TENM2: variants seen among roughly 807,000 people sequenced by gnomAD.
TENM2 encodes teneurin-2.
A neutral mutation model predicts 245.2 loss-of-function variants in TENM2; 52 were observed. The observed-to-expected ratio is 0.21, with a 90% CI of 0.17 to 0.27. TENM2 has a LOEUF of 0.27. Ranked by LOEUF, TENM2 falls within the 10% of genes least tolerant of loss-of-function variation. The pLI, the probability that TENM2 is intolerant of heterozygous loss-of-function variation, is 1.00. For missense variants in TENM2, 3,046 were observed against 3,666.8 expected (o/e 0.83, Z 4.37); for synonymous variants, 1,363 against 1,438.9 (o/e 0.95, Z 1.19).
At chr5:167,384,156 G>A (rs1478487516) in intron 2 of TENM2, among the ~76,000 whole-genome samples, 3 of 152,194 alleles carry the variant, frequency 2.0e-5, no homozygotes, top group African/African-American at 7.2e-5. Context: ...TAGATGAATA[G>A]ACAAAAATAT....
chr5:167,516,347 G>C (rs1322731949), intron 2 of TENM2, among the ~76,000 whole-genome samples: 1 of 152,024 alleles, frequency 6.6e-6, no homozygotes, highest in Non-Finnish European at 1.5e-5. Flanking sequence ...GAAAAACAAA[G>C]AGTGGAAAAG....
chr5:166,979,234 CA>C, the TENM2 span, among the ~76,000 whole-genome samples: 19 of 151,640 alleles, frequency 1.3e-4, no homozygotes, highest in Non-Finnish European at 2.5e-4. Context: ...GCAGCAGCAG[CA>C]GCCGCCGCGG....
At chr5:167,692,703 C>G (rs777126135) in intron 2 of TENM2, among the ~76,000 whole-genome samples, 3 of 151,970 alleles carry the variant, frequency 2.0e-5, no homozygotes, top group Non-Finnish European at 4.4e-5. Flanking sequence ...GTAGGGAGAC[C>G]CAGCTGTTCA....
the TENM2 span, among the ~76,000 whole-genome samples, chr5:166,986,085 G>T: frequency 6.6e-6 from 1 of 152,154 alleles, no homozygotes; most frequent in African/African-American, 2.4e-5. Context: ...ATGGAAGGAT[G>T]GTGGGGTGAG....
At chr5:167,284,683 G>C (rs567665227), upstream of TENM2, 71 of 623,258 alleles carry the variant, frequency 1.1e-4, no homozygotes, top group African/African-American at 1.0e-3. Flanking sequence ...TCATGTTTTC[G>C]TCTGAGTCAG....
At chr5:168,264,119 T>C (rs924305227), downstream of TENM2, 10 of 152,494 alleles carry the variant, frequency 6.6e-5, no homozygotes, top group African/African-American at 2.4e-4. Flanking sequence ...AGTGTTTAAA[T>C]TGTTTATACA....
chr5:167,432,928 G>A (rs1334730164), intron 2 of TENM2, among the ~76,000 whole-genome samples: 1 of 152,086 alleles, frequency 6.6e-6, no homozygotes, highest in African/African-American at 2.4e-5. Flanking sequence ...ATGTTAGACT[G>A]TTGATAAATG....
At chr5:167,860,253 C>T (rs1771638564) in intron 2 of TENM2, among the ~76,000 whole-genome samples, 1 of 136,550 alleles carries the variant, frequency 7.3e-6, no homozygotes, top group Non-Finnish European at 1.6e-5. Flanking sequence ...GGGTCAGCCC[C>T]CCCGCCCGGC....
At chr5:168,214,199 A>G (rs955184308) in intron 20 of TENM2, among the ~76,000 whole-genome samples, 3 of 152,222 alleles carry the variant, frequency 2.0e-5, no homozygotes, top group African/African-American at 7.2e-5. Flanking sequence ...CACTTCTACA[A>G]GTCTTACTCT....
At chr5:167,445,369 A>AGAGAGAGAGAGAGAGAGAGT (rs35699708) in intron 2 of TENM2, among the ~76,000 whole-genome samples, 1,278 of 97,740 alleles carry the variant, frequency 0.013, 45 homozygotes, top group African/African-American at 0.014. Context: ...AGAGAGAGAG[A>AGAGAGAGAGAGAGAGAGAGT]GTGTCAGGTG....
intron 2 of TENM2, among the ~76,000 whole-genome samples, chr5:167,681,067 A>C (rs1018714128): frequency 2.6e-5 from 4 of 152,238 alleles, no homozygotes; most frequent in African/African-American, 9.6e-5. Flanking sequence ...ATTTTAAAAC[A>C]ATTACGAAGT....
At chr5:167,881,534 G>A (rs2151415261) in intron 3 of TENM2, among the ~76,000 whole-genome samples, 1 of 152,208 alleles carries the variant, frequency 6.6e-6, no homozygotes, top group South Asian at 2.1e-4. Flanking sequence ...TCTTGATTTT[G>A]GGGTCAGGAT....
chr5:167,859,566 A>C, intron 2 of TENM2, among the ~76,000 whole-genome samples: 1 of 82,022 alleles, frequency 1.2e-5, no homozygotes, highest in Admixed American at 1.1e-4. Context: ...TGGGGGGGTC[A>C]GCCCCCCGCC....
At chr5:167,855,717 G>A (rs1213664864) in intron 2 of TENM2, among the ~76,000 whole-genome samples, 42 of 127,990 alleles carry the variant, frequency 3.3e-4, no homozygotes, top group African/African-American at 1.1e-3. Context: ...GAAGGAGAAA[G>A]GAAAGAAGGG....
chr5:167,904,256 C>A (rs1379774002), intron 3 of TENM2, among the ~76,000 whole-genome samples: 1 of 152,132 alleles, frequency 6.6e-6, no homozygotes, highest in Non-Finnish European at 1.5e-5. Flanking sequence ...TGGTTAGGAG[C>A]ATGGGTTAGA....
the TENM2 span, among the ~76,000 whole-genome samples, chr5:167,137,224 A>G: frequency 1.3e-5 from 2 of 152,176 alleles, no homozygotes; most frequent in Admixed American, 6.5e-5. Context: ...AAATTTAGAC[A>G]GTGGGGAAGC....
At chr5:168,151,701 A>G (rs1472602188) in intron 12 of TENM2, among the ~76,000 whole-genome samples, 1 of 152,234 alleles carries the variant, frequency 6.6e-6, no homozygotes, top group Non-Finnish European at 1.5e-5. Context: ...GTACTGCCAC[A>G]TGGTGACTGA....
the TENM2 span, among the ~76,000 whole-genome samples, chr5:167,158,196 T>G: frequency 6.6e-6 from 1 of 152,190 alleles, no homozygotes; most frequent in Non-Finnish European, 1.5e-5. Context: ...AACACAGATA[T>G]AGAACACAGA....
At chr5:167,872,278 A>G (rs1239677381) in intron 2 of TENM2, among the ~76,000 whole-genome samples, 1 of 145,942 alleles carries the variant, frequency 6.9e-6, no homozygotes, top group Non-Finnish European at 1.5e-5. Flanking sequence ...TCAAAAAAGA[A>G]AAAAAGAAAG....
Sources: gnomAD v4.1 joint callset for allele counts (sites outside exome capture counted in the v4.1 genomes callset) on GRCh38, gnomAD v4.1.1 for gene constraint, MANE v1.5 for transcripts, NCBI Gene and HGNC (gene_info 2026-07-23, HGNC 2026-07-21) for gene names.